ANKRD44: variants seen among roughly 807,000 people sequenced by gnomAD.
ANKRD44 encodes the protein ankyrin repeat domain 44, also known as serine/threonine-protein phosphatase 6 regulatory ankyrin repeat subunit B.
ANKRD44 carries 35 observed loss-of-function variants against 116.0 expected under a neutral mutation model. The ratio of observed to expected loss-of-function variants is 0.30; its 90% confidence interval spans 0.23 to 0.40. The LOEUF (loss-of-function observed/expected upper bound fraction) is 0.40. Ranked by LOEUF, ANKRD44 falls within the 10% of genes least tolerant of loss-of-function variation. ANKRD44 has a pLI of 1.00. For synonymous variants in ANKRD44, 435 were observed against 461.8 expected, an observed-to-expected ratio of 0.94 and a Z score of 0.74; for missense variants, 1,014 against 1,242.6, an observed-to-expected ratio of 0.82 and a Z score of 2.77.
At position 197,310,566 on chromosome 2, in the gene ANKRD44, G is replaced by T; in HGVS notation, c.27+12C>A. The T allele has an allele frequency of 8.4e-7, 1 of 1,188,812 alleles. No homozygotes were observed. The highest frequency in any genetic ancestry group is 1.1e-6 in the Non-Finnish European group (1 of 939,926). The allele number at this position is 1,188,812 out of a possible 1,614,324, so 73.6% of individuals were successfully genotyped here. On this transcript the variant is annotated intron_variant, in intron 1 of 27. Transcript: ENST00000282272. Reference sequence around the variant, plus strand: ...CCCGCGCGTCCCGCCCGCCGGCGCCGCCGCCCGCTACCTGGTCGGTGAGTT... The same window carrying T: ...CCCGCGCGTCCCGCCCGCCGGCGCCTCCGCCCGCTACCTGGTCGGTGAGTT...
At chr2:197,209,529 C>T (rs2081281398) in intron 1 of ANKRD44, among the ~76,000 whole-genome samples, 2 of 152,184 alleles carry the variant, frequency 1.3e-5, no homozygotes, top group Admixed American at 6.5e-5. Flanking sequence ...CTTGAATAAG[C>T]ACAACCTTAG....
intron 1 of ANKRD44, among the ~76,000 whole-genome samples, chr2:197,220,393 A>G (rs2081556155): frequency 6.6e-6 from 1 of 152,238 alleles, no homozygotes. Context: ...GGTTCTCCAT[A>G]TAACGGAAAG....
At chr2:197,094,161 T>A (rs1223665985) in intron 10 of ANKRD44, among the ~76,000 whole-genome samples, 1 of 152,194 alleles carries the variant, frequency 6.6e-6, no homozygotes, top group African/African-American at 2.4e-5. Flanking sequence ...CCTCCCTACA[T>A]CCAGTCTTTT....
intron 1 of ANKRD44, among the ~76,000 whole-genome samples, chr2:197,216,740 T>C (rs2081452959): frequency 6.6e-6 from 1 of 152,146 alleles, no homozygotes; most frequent in African/African-American, 2.4e-5. Context: ...CTACCTTTTC[T>C]GGACTTTTTC....
At chr2:196,996,615 TTA>T (rs2076016120) in intron 25 of ANKRD44, among the ~76,000 whole-genome samples, 1 of 152,120 alleles carries the variant, frequency 6.6e-6, no homozygotes, top group African/African-American at 2.4e-5. Context: ...CTAAAAATAT[TTA>T]TATCTGGCTG....
Position 197,197,717 on chromosome 2 carries a change from G to A in ANKRD44, c.28-10611C>T, listed in dbSNP as rs182556019. Among the ~76,000 whole-genome samples, 206 of 149,032 alleles carry A rather than the reference G, an allele frequency of 1.4e-3. 1 individual carries two copies. Among genetic ancestry groups the A allele is most frequent in the African/African-American group, 5.0e-3 (201 of 40,462 alleles). On this transcript the variant is annotated intron_variant, in intron 1 of 27. Coordinates refer to ENST00000282272, the MANE Select transcript of ANKRD44 (RefSeq NM_001195144.2). ...CCCAGCGACTCGGGAGGCTGAGGTG[G>A]GAGAACCAACTGAGCCCAGGAAATT...
chr2:197,218,231 C>T (rs6434918), intron 1 of ANKRD44, among the ~76,000 whole-genome samples: 152,011 of 152,298 alleles, frequency 1, 75,863 homozygotes, highest in Middle Eastern at 1. Flanking sequence ...TGAAAGATGT[C>T]TACTGAGATT....
chr2:197,004,917 A>G (rs1283581018), intron 21 of ANKRD44, among the ~76,000 whole-genome samples: 1 of 152,196 alleles, frequency 6.6e-6, no homozygotes, highest in East Asian at 1.9e-4. Context: ...GAAATAATAT[A>G]CAACCATTAT....
intron 20 of ANKRD44, among the ~76,000 whole-genome samples, chr2:197,007,262 A>C (rs911953895): frequency 1.3e-5 from 2 of 152,224 alleles, no homozygotes; most frequent in African/African-American, 4.8e-5. Context: ...TGAGGCATTA[A>C]AAATCATGAT....
At chr2:196,971,078 A>G (rs1237442805) in intron 21 of ANKRD44, among the ~76,000 whole-genome samples, 3 of 152,054 alleles carry the variant, frequency 2.0e-5, no homozygotes, top group Admixed American at 1.3e-4. Flanking sequence ...TTTTTTTTGC[A>G]TATAAACCAA....
chr2:197,156,756 T>G (rs1275266795), intron 2 of ANKRD44, among the ~76,000 whole-genome samples: 1 of 152,154 alleles, frequency 6.6e-6, no homozygotes, highest in Non-Finnish European at 1.5e-5. Context: ...GGAACACTAC[T>G]CAGCAATTAA....
chr2:197,009,059 T>A (rs2076250247), intron 18 of ANKRD44, 28 bp from the exon 19 acceptor site: 5 of 1,574,092 alleles, frequency 3.2e-6, no homozygotes, highest in Middle Eastern at 3.3e-4. Flanking sequence ...GGACAGTCTT[T>A]TAACAGAACA....
chr2:197,032,971 C>T (rs1345038911), intron 16 of ANKRD44, among the ~76,000 whole-genome samples: 1 of 152,206 alleles, frequency 6.6e-6, no homozygotes, highest in Non-Finnish European at 1.5e-5. Context: ...GAGAGAGATG[C>T]GTTGAGTCTC....
chr2:197,184,347 A>G (rs2080595120), intron 2 of ANKRD44, among the ~76,000 whole-genome samples: 1 of 152,132 alleles, frequency 6.6e-6, no homozygotes, highest in Non-Finnish European at 1.5e-5. Context: ...ACCCATAAAA[A>G]TCCTTCCATG....
intron 18 of ANKRD44, among the ~76,000 whole-genome samples, chr2:197,012,991 A>G (rs1266615307): frequency 1.3e-5 from 2 of 152,222 alleles, no homozygotes; most frequent in Non-Finnish European, 1.5e-5. Context: ...TCTTTTTGAT[A>G]TATACATGTA....
At chr2:197,287,895 C>A (rs1319357518) in intron 1 of ANKRD44, among the ~76,000 whole-genome samples, 2 of 151,656 alleles carry the variant, frequency 1.3e-5, no homozygotes, top group Non-Finnish European at 2.9e-5. Flanking sequence ...TGGCACACAC[C>A]TGTAGTCCCA....
chr2:197,211,207 C>T (rs567606579), intron 1 of ANKRD44, among the ~76,000 whole-genome samples: 1 of 152,188 alleles, frequency 6.6e-6, no homozygotes, highest in Non-Finnish European at 1.5e-5. Context: ...CACCAGCACA[C>T]GTGGGCAGGG....
At chr2:197,275,716 T>TA (rs771150470) in intron 1 of ANKRD44, among the ~76,000 whole-genome samples, 5 of 151,690 alleles carry the variant, frequency 3.3e-5, no homozygotes, top group Non-Finnish European at 7.4e-5. Context: ...TTTTGGTCGT[T>TA]ACAATGATTA....
At chr2:197,019,716 G>A (rs1334530075) in intron 17 of ANKRD44, among the ~76,000 whole-genome samples, 1 of 152,128 alleles carries the variant, frequency 6.6e-6, no homozygotes, top group African/African-American at 2.4e-5. Context: ...AAATAATAGA[G>A]GATGGTATAA....
Sources: gnomAD v4.1 joint callset for allele counts (sites outside exome capture counted in the v4.1 genomes callset) on GRCh38, gnomAD v4.1.1 for gene constraint, MANE v1.5 for transcripts, NCBI Gene and HGNC (gene_info 2026-07-23, HGNC 2026-07-21) for gene names.